The following CNBD2 variants were observed in gnomAD, a reference collection of about 807,000 sequenced individuals.
The protein encoded by CNBD2 is cyclic nucleotide-binding domain-containing protein 2.
CNBD2 carries 64 observed loss-of-function variants against 63.7 expected under a neutral mutation model. That is an observed-to-expected ratio of 1.00 (90% CI 0.82 to 1.24). The LOEUF (loss-of-function observed/expected upper bound fraction) is 1.24, where lower values mean the gene tolerates loss of function less well. CNBD2 is among the 50% of genes most tolerant of loss of function. The probability of loss-of-function intolerance (pLI) is 0.00; values close to 1 mark genes in which losing one functional copy is unlikely to be tolerated. For synonymous variants in CNBD2, 229 were observed against 255.4 expected (o/e 0.90, Z 0.99); for missense variants, 691 against 713.5 (o/e 0.97, Z 0.36).
At chr20:36,018,571 G>T (rs915056819) in intron 10 of CNBD2, among the ~76,000 whole-genome samples, 4 of 152,194 alleles carry the variant, frequency 2.6e-5, no homozygotes, top group Non-Finnish European at 5.9e-5. Flanking sequence ...CTGCTTGACT[G>T]AACCCGCCCC....
downstream of CNBD2, among the ~76,000 whole-genome samples, chr20:35,956,114 G>A (rs2056254366): frequency 6.6e-6 from 1 of 152,204 alleles, no homozygotes; most frequent in African/African-American, 2.4e-5. Flanking sequence ...TGACCTTGCA[G>A]TCCTTTTGAG....
chr20:35,993,405 A>T (rs532613761), intron 7 of CNBD2, among the ~76,000 whole-genome samples: 1 of 152,330 alleles, frequency 6.6e-6, no homozygotes, highest in South Asian at 2.1e-4. Flanking sequence ...TACAGTGTGT[A>T]TTCCTTGTTT....
At chr20:36,003,899 G>A (rs983900015) in intron 8 of CNBD2, among the ~76,000 whole-genome samples, 3 of 151,878 alleles carry the variant, frequency 2.0e-5, no homozygotes, top group Non-Finnish European at 4.4e-5. Flanking sequence ...ATCTCTTGAG[G>A]TTGCCATTGT....
intron 10 of CNBD2, among the ~76,000 whole-genome samples, chr20:36,019,643 G>C (rs147932960): frequency 7.2e-5 from 11 of 152,096 alleles, no homozygotes; most frequent in Non-Finnish European, 1.5e-4. Flanking sequence ...AGGCGTGTTG[G>C]GGGGATTGGA....
intron 11 of CNBD2, among the ~76,000 whole-genome samples, chr20:36,026,958 A>G (rs1053277991): frequency 3.9e-5 from 6 of 152,234 alleles, no homozygotes; most frequent in African/African-American, 1.4e-4. Flanking sequence ...TACAGTGCCC[A>G]GCATGCAGAA....
At chr20:36,020,087 CT>C (rs527994250) in intron 10 of CNBD2, among the ~76,000 whole-genome samples, 117 of 144,636 alleles carry the variant, frequency 8.1e-4, no homozygotes, top group Non-Finnish European at 1.4e-3. Flanking sequence ...TTTTCTTTTT[CT>C]TTTTTTTTTC....
intron 2 of CNBD2, chr20:35,973,089 G>C: frequency 2.1e-6 from 1 of 467,120 alleles, no homozygotes; most frequent in East Asian, 3.3e-5. Context: ...GCAAAATATG[G>C]GCTGAGAGGG....
chr20:36,005,095 C>A (rs565928307), intron 8 of CNBD2, among the ~76,000 whole-genome samples: 2 of 152,070 alleles, frequency 1.3e-5, no homozygotes, highest in African/African-American at 4.8e-5. Context: ...TGGCAGATTT[C>A]CTGGTGTGTT....
rs774620976 is a variant in CNBD2, at chr20:36,030,558, T to C, written c.1641T>C (p.Ile547=). 76 of 1,614,032 alleles carry C rather than the reference T, an allele frequency of 4.7e-5. No individual in the cohort carries two copies. The highest frequency in any genetic ancestry group is 2.5e-6 in the Non-Finnish European group (3 of 1,180,040). Residue 547 remains isoleucine, a synonymous_variant, in exon 12 of 12, where the codon ATT becomes ATC. Coordinates refer to ENST00000373973, the MANE Select transcript of CNBD2 (RefSeq NM_001365709.1). ...AGACGACTAAACCTCGTTATCCTAT[T>C]TTTATGGCACCCCAGAAATACCTCC... ...INKTTKPRYP[I]FMAPQKYLPP...
At chr20:35,997,765 A>T (rs1368903453) in intron 8 of CNBD2, among the ~76,000 whole-genome samples, 1 of 152,222 alleles carries the variant, frequency 6.6e-6, no homozygotes, top group East Asian at 1.9e-4. Flanking sequence ...GCAGAGTGAG[A>T]TGATGTATGC....
chr20:35,975,972 A>T lies in CNBD2; in HGVS notation c.213A>T (p.Thr71=). 6.2e-7 allele frequency: 1 copy of T among 1,613,308 alleles called. No homozygotes were observed. The highest frequency in any genetic ancestry group is 1.1e-5 in the South Asian group (1 of 90,998). ...FWDKKMQSRV[T]FDTMDFIAEE... ...AGAAAAAGATGCAAAGCCGAGTCAC[A>T]TTTGATACCATGGACTTCATTGCAG... is the stretch of plus-strand genomic sequence containing the variant. The change falls in exon 3 of 12, where the codon ACA becomes ACT. Residue 71 remains threonine, a synonymous_variant. Coordinates refer to ENST00000373973, the MANE Select transcript of CNBD2 (RefSeq NM_001365709.1).
At chr20:35,979,537 C>A (rs182634402) in intron 3 of CNBD2, among the ~76,000 whole-genome samples, 1 of 152,262 alleles carries the variant, frequency 6.6e-6, no homozygotes, top group Non-Finnish European at 1.5e-5. Flanking sequence ...GGATTATAGG[C>A]ATGAGCCACT....
intron 8 of CNBD2, among the ~76,000 whole-genome samples, chr20:35,999,627 A>G (rs559182881): frequency 6.6e-6 from 1 of 151,910 alleles, no homozygotes; most frequent in Admixed American, 6.6e-5. Flanking sequence ...TTTAATGTAT[A>G]TTAAAAACCT....
intron 3 of CNBD2, among the ~76,000 whole-genome samples, chr20:35,977,178 T>C (rs1175338064): frequency 1.3e-5 from 2 of 152,112 alleles, no homozygotes; most frequent in Admixed American, 6.6e-5. Context: ...TGCACCGCAG[T>C]AGAGGGCGGG....
intron 8 of CNBD2, among the ~76,000 whole-genome samples, chr20:35,996,508 G>GTTTT (rs1275063891): frequency 7.6e-6 from 1 of 132,198 alleles, no homozygotes; most frequent in Non-Finnish European, 1.6e-5. Flanking sequence ...CTCTCTTTTT[G>GTTTT]TTTTTTTTTT....
intron 3 of CNBD2, among the ~76,000 whole-genome samples, chr20:35,978,554 C>T (rs1252467951): frequency 6.6e-6 from 1 of 152,158 alleles, no homozygotes; most frequent in Non-Finnish European, 1.5e-5. Flanking sequence ...CCGTGTTAGC[C>T]AGGGTAGTCT....
At chr20:36,024,079 T>G (rs1393324162) in intron 11 of CNBD2, among the ~76,000 whole-genome samples, 2 of 152,240 alleles carry the variant, frequency 1.3e-5, no homozygotes, top group African/African-American at 4.8e-5. Context: ...CTCACGCCTA[T>G]AATCCCAGCA....
In CNBD2 at chr20:36,023,499, G is replaced by A. The variant is rs1419341259; in HGVS notation, c.1270-103G>A. 8 of 1,108,666 alleles carry A rather than the reference G, an allele frequency of 7.2e-6. No individual in the cohort carries two copies. The East Asian group carries it at 1.9e-4, about 26-fold the overall frequency. 68.7% of individuals were successfully genotyped at this position (1,108,666 alleles called of 1,614,324 possible). A position where few individuals can be genotyped will look rare whatever the true frequency, so the allele number is the denominator to read the frequency against. On this transcript the variant is annotated intron_variant, in intron 10 of 11. Transcript: ENST00000373973. ...TTGCACTCCAGCCTGGGCAACAACA[G>A]CGAAACTCCGTCTCAAAAAAAAATA...
Position 35,984,790 on chromosome 20 carries a change from T to A in CNBD2, c.716+12T>A. On this transcript the variant is annotated intron_variant, in intron 6 of 11. Coordinates refer to ENST00000373973, the MANE Select transcript of CNBD2 (RefSeq NM_001365709.1). ...TTTGAATTTTTTAGGTAACTCTGCC[T>A]TCATTCAACATTTTTTTCCCCTTGT... 1 of 1,613,768 alleles carries A rather than the reference T, an allele frequency of 6.2e-7. No homozygotes were observed.
Sources: allele counts gnomAD v4.1 joint callset (sites outside exome capture counted in the v4.1 genomes callset), GRCh38; gene constraint gnomAD v4.1.1; transcripts MANE v1.5; gene names NCBI Gene and HGNC (gene_info 2026-07-23, HGNC 2026-07-21).